SUN3: variants seen among roughly 807,000 people sequenced by gnomAD.
SUN3 encodes the protein Sad1 and UNC84 domain containing 3, also known as SUN domain-containing protein 3.
SUN3 carries 36 observed loss-of-function variants against 48.2 expected under a neutral mutation model. That is an observed-to-expected ratio of 0.75 (90% CI 0.57 to 0.99). The LOEUF is 0.99. Ranked by LOEUF, SUN3 falls within the 50% of genes least tolerant of loss-of-function variation. SUN3 has a pLI of 0.00. For missense variants in SUN3, 419 were observed against 433.1 expected (o/e 0.97, Z 0.29); for synonymous variants, 148 against 147.9 (o/e 1.00, Z 0.00).
chr7:47,995,364 G>T (rs13229592), intron 7 of SUN3, among the ~76,000 whole-genome samples: 1 of 151,852 alleles, frequency 6.6e-6, no homozygotes, highest in African/African-American at 2.4e-5. Flanking sequence ...GGTTTTGATG[G>T]AGATGGGGGT....
At chr7:48,026,581 A>AACACACACACACACACACACACAC (rs112192395) in intron 1 of SUN3, among the ~76,000 whole-genome samples, 1 of 145,628 alleles carries the variant, frequency 6.9e-6, no homozygotes, top group African/African-American at 2.5e-5. Context: ...CCCACCCCCC[A>AACACACACACACACACACACACAC]ACACACACAC....
chr7:48,020,727 A>C (rs1321499321), intron 2 of SUN3, among the ~76,000 whole-genome samples: 1 of 152,146 alleles, frequency 6.6e-6, no homozygotes, highest in Non-Finnish European at 1.5e-5. Context: ...GAATTAACCA[A>C]AGAAGTGAAA....
intron 6 of SUN3, among the ~76,000 whole-genome samples, chr7:48,001,522 GTTTTTTTTGTTT>G (rs1297059735): frequency 8.9e-4 from 109 of 121,930 alleles, no homozygotes; most frequent in East Asian, 5.0e-3. Flanking sequence ...TGTCTTTTCT[GTTTTTTTTGTTT>G]TTTTTTTTTT....
At chr7:48,028,734 G>C (rs764087871) in intron 1 of SUN3, 83 bp downstream of exon 1, 6 of 1,538,628 alleles carry the variant, frequency 3.9e-6, no homozygotes, top group Non-Finnish European at 5.3e-6. Context: ...CGGGTAACAG[G>C]TAACAGATGA....
intron 1 of SUN3, among the ~76,000 whole-genome samples, chr7:48,027,875 T>A (rs1790178098): frequency 6.6e-6 from 1 of 152,216 alleles, no homozygotes; most frequent in South Asian, 2.1e-4. Flanking sequence ...TTAAAAAAGT[T>A]GTTCATAGGT....
chr7:47,994,263 C>T (rs2128770842), intron 8 of SUN3, 52 bp downstream of exon 8: 5 of 1,594,052 alleles, frequency 3.1e-6, no homozygotes, highest in Non-Finnish European at 4.3e-6. Context: ...AATTCCTAGC[C>T]AACCACCTTC....
chr7:47,996,113 C>T lies in SUN3; in HGVS notation c.611G>A (p.Ser204Asn), dbSNP rs1356122420. 23 of 1,593,164 alleles carry T rather than the reference C, an allele frequency of 1.4e-5. No homozygotes were observed. Among genetic ancestry groups the T allele is most frequent in the Non-Finnish European group, 1.9e-5 (22 of 1,173,276 alleles). ...CAATTTTGCTTTATTATTTTTATAA[C>T]TTTCTGAGGTCCCAGCTTCAATGAT... ...ASIIEAGTSESYKNNKAKLYW... is the reference protein window; with the variant it reads ...ASIIEAGTSENYKNNKAKLYW... Residue 204 changes from serine (S) to asparagine (N), a missense_variant, in exon 7 of 10, where the codon AGT becomes AAT. Transcript: ENST00000297325.
At chr7:47,999,580 T>C (rs1160430550) in intron 6 of SUN3, among the ~76,000 whole-genome samples, 2 of 152,260 alleles carry the variant, frequency 1.3e-5, no homozygotes, top group Non-Finnish European at 2.9e-5. Flanking sequence ...GGGCCCAGGC[T>C]GGAGTGCAAT....
chr7:47,994,772 G>C (rs1392229622), intron 7 of SUN3, among the ~76,000 whole-genome samples: 1 of 149,368 alleles, frequency 6.7e-6, no homozygotes, highest in Non-Finnish European at 1.5e-5. Context: ...GATGGTGGTA[G>C]TGAGGATGAT....
chr7:48,016,618 T>C (rs1789821450), intron 3 of SUN3, among the ~76,000 whole-genome samples: 1 of 152,212 alleles, frequency 6.6e-6, no homozygotes, highest in Admixed American at 6.5e-5. Flanking sequence ...AGTGCCATAC[T>C]CCTGTCCAGT....
intron 7 of SUN3, among the ~76,000 whole-genome samples, chr7:47,995,212 G>A (rs1279601184): frequency 6.6e-6 from 1 of 151,240 alleles, no homozygotes; most frequent in Non-Finnish European, 1.5e-5. Context: ...ACATGGGGGT[G>A]GTGATGAAGA....
chr7:47,990,957 G>GGGTGGGA (rs1789041368), intron 8 of SUN3: 1 of 386,132 alleles, frequency 2.6e-6, no homozygotes, highest in Admixed American at 3.1e-5. Flanking sequence ...TGAGGGTGGG[G>GGGTGGGA]GGTGGGAGGA....
At chr7:48,023,737 A>G (rs1429172716) in intron 2 of SUN3, among the ~76,000 whole-genome samples, 1 of 152,220 alleles carries the variant, frequency 6.6e-6, no homozygotes, top group East Asian at 1.9e-4. Context: ...GCTGAAAGAA[A>G]TTAAAGAAGA....
chr7:48,033,119 A>G (rs1358061528), upstream of SUN3, among the ~76,000 whole-genome samples: 3 of 152,258 alleles, frequency 2.0e-5, no homozygotes, highest in Non-Finnish European at 2.9e-5. Flanking sequence ...AAAGATGATT[A>G]TGTCATAAAG....
At chr7:47,995,279 G>A (rs1318267966) in intron 7 of SUN3, among the ~76,000 whole-genome samples, 2 of 150,850 alleles carry the variant, frequency 1.3e-5, no homozygotes, top group Non-Finnish European at 2.9e-5. Flanking sequence ...GGCAGTGATG[G>A]TGGTGGCGGT....
At chr7:47,996,642 C>T (rs1391162468) in intron 6 of SUN3, among the ~76,000 whole-genome samples, 1 of 152,104 alleles carries the variant, frequency 6.6e-6, no homozygotes, top group Non-Finnish European at 1.5e-5. Flanking sequence ...CAAACATTAT[C>T]CCTTCAGGTT....
At chr7:48,002,284 C>G (rs1214797808) in intron 6 of SUN3, among the ~76,000 whole-genome samples, 2 of 142,564 alleles carry the variant, frequency 1.4e-5, no homozygotes, top group Non-Finnish European at 2.9e-5. Flanking sequence ...CTCAGCCTCC[C>G]GAGTAGCTGG....
rs894989036 is a variant in SUN3 at position 48,026,441 on chromosome 7, T to C, written c.123-503A>G. Among the ~76,000 whole-genome samples, 5 of 152,272 alleles carry C rather than the reference T, an allele frequency of 3.3e-5. 1 individual carries two copies. On this transcript the variant is annotated intron_variant, in intron 1 of 9. Coordinates refer to ENST00000297325, the MANE Select transcript of SUN3 (RefSeq NM_001030019.2). ...CTCTGTGTTGAAGTACAGTATGCTA[T>C]ACAAATACGATTTGTGCTCTTTTCT... is the stretch of plus-strand genomic sequence containing the variant.
chr7:48,011,310 G>A (rs1195931048), intron 3 of SUN3, among the ~76,000 whole-genome samples: 1 of 152,128 alleles, frequency 6.6e-6, no homozygotes, highest in Non-Finnish European at 1.5e-5. Flanking sequence ...AGTTAGCTCT[G>A]CCCAAAATAG....
Sources: allele counts gnomAD v4.1 joint callset (sites outside exome capture counted in the v4.1 genomes callset), GRCh38; gene constraint gnomAD v4.1.1; transcripts MANE v1.5; gene names NCBI Gene and HGNC (gene_info 2026-07-23, HGNC 2026-07-21).